PRKCA: variants seen among roughly 807,000 people sequenced by gnomAD.
PRKCA encodes the protein protein kinase C alpha type.
PRKCA carries 27 observed loss-of-function variants against 87.0 expected under a neutral mutation model. The ratio of observed to expected loss-of-function variants is 0.31; its 90% CI spans 0.23 to 0.43. PRKCA has a LOEUF of 0.43. Ranked by LOEUF, PRKCA falls within the 20% of genes least tolerant of loss-of-function variation. The probability of loss-of-function intolerance (pLI) is 1.00; values close to 1 mark genes in which losing one functional copy is unlikely to be tolerated. For missense variants in PRKCA, 518 were observed against 852.3 expected, an observed-to-expected ratio of 0.61 and a Z score of 4.88; for synonymous variants, 329 against 311.1, an observed-to-expected ratio of 1.06 and a Z score of -0.61.
intron 2 of PRKCA, among the ~76,000 whole-genome samples, chr17:66,460,800 A>G (rs577192980): frequency 1.3e-5 from 2 of 152,314 alleles, no homozygotes; most frequent in Admixed American, 6.5e-5. Context: ...TGAAGACTTC[A>G]GGTGTCCCAG....
At chr17:66,329,137 TGTG>T (rs1271430959) in intron 2 of PRKCA, among the ~76,000 whole-genome samples, 1 of 152,028 alleles carries the variant, frequency 6.6e-6, no homozygotes, top group Non-Finnish European at 1.5e-5. Flanking sequence ...AAACCAGAGA[TGTG>T]GTGGAGGACA....
At chr17:66,697,660 G>A (rs937329416) in intron 8 of PRKCA, among the ~76,000 whole-genome samples, 6 of 152,130 alleles carry the variant, frequency 3.9e-5, no homozygotes, top group African/African-American at 1.4e-4. Flanking sequence ...AATCAGCATG[G>A]CTGAGAGATT....
At chr17:66,327,601 T>C (rs551933761) in intron 2 of PRKCA, among the ~76,000 whole-genome samples, 1 of 152,292 alleles carries the variant, frequency 6.6e-6, no homozygotes, top group South Asian at 2.1e-4. Context: ...CTATCTGACA[T>C]CAACTCTGTA....
At chr17:66,375,065 TC>T (rs1334934816) in intron 2 of PRKCA, among the ~76,000 whole-genome samples, 1 of 6,638 alleles carries the variant, frequency 1.5e-4, no homozygotes, top group Non-Finnish European at 6.3e-4. Flanking sequence ...TGAATCTTTA[TC>T]CTTTCTGCAT....
At chr17:66,490,846 G>A (rs954924220) in intron 2 of PRKCA, among the ~76,000 whole-genome samples, 1 of 152,218 alleles carries the variant, frequency 6.6e-6, no homozygotes, top group Non-Finnish European at 1.5e-5. Context: ...CTCCCAAAGT[G>A]CAGGGATTAC....
At chr17:66,634,981 A>G (rs1387118388) in intron 3 of PRKCA, among the ~76,000 whole-genome samples, 1 of 152,232 alleles carries the variant, frequency 6.6e-6, no homozygotes, top group African/African-American at 2.4e-5. Context: ...AGACAGAAAT[A>G]AAATGCTCTG....
At chr17:66,336,955 A>G (rs1288594193) in intron 2 of PRKCA, among the ~76,000 whole-genome samples, 3 of 151,616 alleles carry the variant, frequency 2.0e-5, no homozygotes, top group Non-Finnish European at 4.4e-5. Context: ...CGTCCAGCTA[A>G]TTTTTTTGTA....
At chr17:66,641,873 T>G (rs1971305840) in intron 4 of PRKCA, among the ~76,000 whole-genome samples, 1 of 152,114 alleles carries the variant, frequency 6.6e-6, no homozygotes, top group Admixed American at 6.5e-5. Flanking sequence ...CTCTAATTAG[T>G]GGGTGGACTG....
At chr17:66,727,214 G>A (rs1294750952) in intron 8 of PRKCA, among the ~76,000 whole-genome samples, 1 of 151,948 alleles carries the variant, frequency 6.6e-6, no homozygotes, top group Non-Finnish European at 1.5e-5. Context: ...AAAATATGGA[G>A]ATTTATTGCA....
At chr17:66,710,938 G>A (rs911076980) in intron 8 of PRKCA, among the ~76,000 whole-genome samples, 1 of 152,062 alleles carries the variant, frequency 6.6e-6, no homozygotes, top group Non-Finnish European at 1.5e-5. Flanking sequence ...AGCTACTCGG[G>A]AGGCTGAGGT....
rs764232109 is a variant in PRKCA, at chr17:66,468,237, T to TA, written c.206-27959dup. ...GGTCTGTGCTGTGTATTTACCTATT[T>TA]AAAAAGATATACAGGTGAAAAATAT... is the stretch of plus-strand genomic sequence containing the variant. On this transcript the variant is annotated intron_variant, in intron 2 of 16. Transcript: ENST00000413366. 4.5e-4 allele frequency among the ~76,000 whole-genome samples: 69 copies of TA among 152,350 alleles called. 1 individual carries two copies. Among genetic ancestry groups the TA allele is most frequent in the Admixed American group, 1.6e-3 (25 of 15,304 alleles).
At chr17:66,480,182 T>C (rs1915715998) in intron 2 of PRKCA, among the ~76,000 whole-genome samples, 1 of 152,158 alleles carries the variant, frequency 6.6e-6, no homozygotes, top group Non-Finnish European at 1.5e-5. Flanking sequence ...TCCTTCTTTG[T>C]ATGGAGACTT....
chr17:66,336,461 C>T (rs1906666832), intron 2 of PRKCA, among the ~76,000 whole-genome samples: 1 of 152,126 alleles, frequency 6.6e-6, no homozygotes, highest in African/African-American at 2.4e-5. Flanking sequence ...TGAAATGGAG[C>T]TCAAGGAAGA....
chr17:66,524,941 G>T (rs1042082852), intron 3 of PRKCA, among the ~76,000 whole-genome samples: 4 of 152,214 alleles, frequency 2.6e-5, no homozygotes, highest in African/African-American at 9.7e-5. Context: ...AATAGCCACA[G>T]ATCCTCCCAT....
At chr17:66,486,904 G>T (rs963744944) in intron 2 of PRKCA, among the ~76,000 whole-genome samples, 1 of 151,920 alleles carries the variant, frequency 6.6e-6, no homozygotes, top group Non-Finnish European at 1.5e-5. Context: ...CTTTGGCAGC[G>T]TGTGCACAGG....
In PRKCA at chr17:66,774,009, G is replaced by A. The variant is rs929429787; in HGVS notation, c.1547G>A (p.Gly516Glu). ...APEIIAYQPY[G>E]KSVDWWAYGV... is the part of the protein sequence containing the mutation. The stretch of plus-strand genomic sequence containing the variant: ...CAGATAATCGCTTATCAGCCGTATG[G>A]AAAATCTGTGGACTGGTGGGCCTAT... Residue 516 changes from glycine (G) to glutamate (E), a missense_variant, in exon 14 of 17, where the codon GGA (glycine) becomes GAA (glutamate). Around this residue, in one of 5 missense-constraint regions of PRKCA, gnomAD observed 159 missense variants for 232.4 expected, o/e 0.68. Transcript: ENST00000413366. The A allele has an allele frequency of 1.2e-6, 2 of 1,614,098 alleles. No individual in the cohort carries two copies. The highest frequency in any genetic ancestry group is 3.3e-5 in the Admixed American group (2 of 60,008).
intron 2 of PRKCA, among the ~76,000 whole-genome samples, chr17:66,392,920 G>A (rs976848273): frequency 4.6e-5 from 7 of 152,096 alleles, no homozygotes; most frequent in East Asian, 1.9e-4. Flanking sequence ...GAGAGTGTTC[G>A]CTTTCCAACA....
chr17:66,653,696 A>G (rs557010112), intron 5 of PRKCA, among the ~76,000 whole-genome samples: 69 of 150,850 alleles, frequency 4.6e-4, no homozygotes, highest in Non-Finnish European at 5.3e-4. Flanking sequence ...TGCATTCTGC[A>G]TCTCCCCTCC....
At chr17:66,569,027 A>G (rs1406220503) in intron 3 of PRKCA, among the ~76,000 whole-genome samples, 1 of 152,232 alleles carries the variant, frequency 6.6e-6, no homozygotes, top group Admixed American at 6.5e-5. Context: ...CACCCTACAC[A>G]AAAACCAATT....
Sources: gnomAD v4.1 joint callset for allele counts (sites outside exome capture counted in the v4.1 genomes callset) on GRCh38, gnomAD v4.1.1 for gene constraint, gnomAD v4.1.1 regional missense constraint, MANE v1.5 for transcripts, NCBI Gene and HGNC (gene_info 2026-07-23, HGNC 2026-07-21) for gene names.